MAGI2: variants seen among roughly 807,000 people sequenced by gnomAD.
The protein encoded by MAGI2 is membrane associated guanylate kinase, WW and PDZ domain containing 2.
Under a neutral mutation model 133.3 loss-of-function variants are expected in MAGI2, and 35 were observed. That is an observed-to-expected ratio of 0.26 (90% CI 0.20 to 0.35). The LOEUF is 0.35. MAGI2 is among the 10% of genes least tolerant of loss of function. The probability of loss-of-function intolerance (pLI) is 1.00; values close to 1 mark genes in which losing one functional copy is unlikely to be tolerated. For missense variants in MAGI2, 1,636 were observed against 1,863.4 expected (o/e 0.88, Z 2.25); for synonymous variants, 729 against 710.6 (o/e 1.03, Z -0.41).
intron 7 of MAGI2, among the ~76,000 whole-genome samples, chr7:78,357,418 A>G (rs1218265829): frequency 1.3e-5 from 2 of 152,228 alleles, no homozygotes; most frequent in African/African-American, 4.8e-5. Context: ...AAATTTACAT[A>G]TGAGGTCAGT....
intron 9 of MAGI2, among the ~76,000 whole-genome samples, chr7:78,261,192 C>G (rs1793485152): frequency 6.6e-6 from 1 of 152,124 alleles, no homozygotes; most frequent in African/African-American, 2.4e-5. Context: ...CTGTTTAAGT[C>G]TTTCCAACTT....
intron 20 of MAGI2, among the ~76,000 whole-genome samples, chr7:78,092,647 A>G (rs186946220): frequency 2.6e-4 from 40 of 152,320 alleles, no homozygotes; most frequent in Middle Eastern, 3.4e-3. Context: ...GCTTTCTTAA[A>G]TCACTAAAAT....
chr7:78,961,924 A>G (rs772660099), intron 2 of MAGI2, among the ~76,000 whole-genome samples: 1 of 152,036 alleles, frequency 6.6e-6, no homozygotes, highest in South Asian at 2.1e-4. Context: ...GCTATATGGT[A>G]TAGCCTATTG....
At chr7:79,180,452 C>A (rs556438082) in intron 1 of MAGI2, among the ~76,000 whole-genome samples, 2 of 152,030 alleles carry the variant, frequency 1.3e-5, no homozygotes, top group South Asian at 4.2e-4. Context: ...AGAGAGCCTG[C>A]GCAAAGAAAC....
intron 6 of MAGI2, among the ~76,000 whole-genome samples, chr7:78,432,208 CAA>C (rs1234092462): frequency 6.1e-5 from 7 of 115,338 alleles, no homozygotes; most frequent in Admixed American, 4.4e-4. Flanking sequence ...GCAGGCCTTA[CAA>C]AAAAAAAAAA....
In MAGI2 at chr7:78,693,029, C is replaced by T. The variant is rs756939010; in HGVS notation, c.419-65790G>A. ...ATCAGTATCTAGTGAGCAACATGTA[C>T]GGTGAAAATCTGAAAGGATAAAAAA... On this transcript the variant is annotated intron_variant, in intron 2 of 21. Coordinates refer to ENST00000354212, the MANE Select transcript of MAGI2 (RefSeq NM_012301.4). 2.6e-5 allele frequency among the ~76,000 whole-genome samples: 4 copies of T among 152,046 alleles called. No individual in the cohort carries two copies. In the East Asian group the frequency reaches 5.8e-4, roughly 22 times the overall value.
chr7:78,763,569 A>G (rs1013927643), intron 2 of MAGI2, among the ~76,000 whole-genome samples: 2 of 152,190 alleles, frequency 1.3e-5, no homozygotes, highest in African/African-American at 4.8e-5. Flanking sequence ...AACAGTGAGA[A>G]CACCTAAAGG....
At chr7:78,231,477 TTCCA>T (rs1789967230) in intron 10 of MAGI2, among the ~76,000 whole-genome samples, 1 of 152,216 alleles carries the variant, frequency 6.6e-6, no homozygotes, top group Non-Finnish European at 1.5e-5. Context: ...GAAAAACAAA[TTCCA>T]TTCATGCTTT....
chr7:78,794,257 T>C (rs1007902067), intron 2 of MAGI2, among the ~76,000 whole-genome samples: 2 of 152,188 alleles, frequency 1.3e-5, no homozygotes, highest in African/African-American at 4.8e-5. Flanking sequence ...CGGGCTCAGC[T>C]GAGTTTGTTG....
chr7:78,760,841 A>G lies in MAGI2; in HGVS notation c.419-133602T>C, dbSNP rs191789226. Among the ~76,000 whole-genome samples, 316 of 152,276 alleles carry G rather than the reference A, an allele frequency of 2.1e-3. 2 individuals carry two copies. Among genetic ancestry groups the G allele is most frequent in the Middle Eastern group, 0.017 (5 of 294 alleles). ...GAAATCCTCAGTGTCTACTTCCAAG[A>G]GGTACCTGAGGCAAACACCTAAAAG... is the stretch of plus-strand genomic sequence containing the variant. On this transcript the variant is annotated intron_variant, in intron 2 of 21. Coordinates refer to ENST00000354212, the MANE Select transcript of MAGI2 (RefSeq NM_012301.4).
intron 7 of MAGI2, chr7:78,350,430 A>G (rs1791385056): frequency 6.6e-6 from 1 of 152,196 alleles, no homozygotes; most frequent in Non-Finnish European, 1.5e-5. Flanking sequence ...TTTTAGATGA[A>G]AGAAAGCTTC....
chr7:79,431,360 G>T (rs770633957), intron 1 of MAGI2, among the ~76,000 whole-genome samples: 20 of 152,100 alleles, frequency 1.3e-4, no homozygotes, highest in South Asian at 6.2e-4. Flanking sequence ...GAAAAAATTT[G>T]ATTTCTGAGA....
chr7:79,413,245 G>A (rs897868118), intron 1 of MAGI2: 14 of 151,886 alleles, frequency 9.2e-5, no homozygotes, highest in African/African-American at 3.1e-4. Context: ...GGCCAATAAT[G>A]TACATCCCCA....
intron 3 of MAGI2, among the ~76,000 whole-genome samples, chr7:78,533,504 G>T (rs906433570): frequency 2.0e-5 from 3 of 152,076 alleles, no homozygotes; most frequent in Non-Finnish European, 2.9e-5. Context: ...AGACATTTTG[G>T]CCCAAAGCCA....
At chr7:79,299,038 C>T (rs1405674952) in intron 1 of MAGI2, among the ~76,000 whole-genome samples, 2 of 152,122 alleles carry the variant, frequency 1.3e-5, no homozygotes, top group African/African-American at 4.8e-5. Context: ...AGTTTTGATG[C>T]TCATGCCACA....
intron 2 of MAGI2, among the ~76,000 whole-genome samples, chr7:78,805,600 C>A (rs1220147615): frequency 6.6e-6 from 1 of 152,154 alleles, no homozygotes; most frequent in African/African-American, 2.4e-5. Context: ...TATTCACGCC[C>A]TTGTATAGTT....
intron 1 of MAGI2, among the ~76,000 whole-genome samples, chr7:79,348,359 G>C (rs1440664774): frequency 6.6e-6 from 1 of 151,806 alleles, no homozygotes; most frequent in Non-Finnish European, 1.5e-5. Context: ...ATGGTAGTAA[G>C]GGGAGACCAT....
At chr7:78,734,856 C>T (rs1308410740) in intron 2 of MAGI2, among the ~76,000 whole-genome samples, 4 of 152,172 alleles carry the variant, frequency 2.6e-5, no homozygotes, top group Middle Eastern at 3.4e-3. Flanking sequence ...GAGAGATCAG[C>T]GAAACCACTG....
intron 1 of MAGI2, among the ~76,000 whole-genome samples, chr7:79,441,573 A>C (rs952957185): frequency 6.6e-6 from 1 of 152,080 alleles, no homozygotes. Context: ...TCCTTTTTTC[A>C]AGCCAGACAG....
Sources: gnomAD v4.1 joint callset for allele counts (sites outside exome capture counted in the v4.1 genomes callset) on GRCh38, gnomAD v4.1.1 for gene constraint, MANE v1.5 for transcripts, NCBI Gene and HGNC (gene_info 2026-07-23, HGNC 2026-07-21) for gene names.